SH3RF3: variants seen among roughly 807,000 people sequenced by gnomAD.
SH3RF3 encodes SH3 domain containing ring finger 3, also known as E3 ubiquitin-protein ligase SH3RF3.
SH3RF3 carries 29 observed loss-of-function variants against 66.3 expected under a neutral mutation model. That is an observed-to-expected ratio of 0.44 (90% confidence interval 0.33 to 0.60). The LOEUF is 0.60. Ranked by LOEUF, SH3RF3 falls within the 20% of genes least tolerant of loss-of-function variation. The probability of loss-of-function intolerance (pLI) is 0.04; values close to 1 mark genes in which losing one functional copy is unlikely to be tolerated. For synonymous variants in SH3RF3, 583 were observed against 532.0 expected, an observed-to-expected ratio of 1.10 and a Z score of -1.32; for missense variants, 1,194 against 1,190.9, an observed-to-expected ratio of 1.00 and a Z score of -0.04.
intron 1 of SH3RF3, among the ~76,000 whole-genome samples, chr2:109,223,755 C>T (rs1370729022): frequency 1.3e-5 from 2 of 152,172 alleles, no homozygotes; most frequent in East Asian, 3.9e-4. Context: ...TGGAGGACAG[C>T]CTCTGAGCCA....
At chr2:109,217,387 C>G (rs984093391) in intron 1 of SH3RF3, among the ~76,000 whole-genome samples, 1 of 152,218 alleles carries the variant, frequency 6.6e-6, no homozygotes, top group African/African-American at 2.4e-5. Flanking sequence ...GTCAAATTCC[C>G]ATCTGAACAT....
intron 3 of SH3RF3, among the ~76,000 whole-genome samples, chr2:109,378,741 C>T (rs972366797): frequency 2.0e-5 from 3 of 152,196 alleles, no homozygotes; most frequent in Non-Finnish European, 2.9e-5. Context: ...ACCTTCTCTA[C>T]TCCATGCCCC....
At chr2:109,317,838 G>A (rs538853278) in intron 1 of SH3RF3, among the ~76,000 whole-genome samples, 2 of 152,186 alleles carry the variant, frequency 1.3e-5, no homozygotes, top group African/African-American at 4.8e-5. Flanking sequence ...ATCCGTCTTG[G>A]GTCAGGTTTC....
chr2:109,351,678 G>C (rs1482015895), intron 2 of SH3RF3, among the ~76,000 whole-genome samples: 1 of 152,220 alleles, frequency 6.6e-6, no homozygotes, highest in Admixed American at 6.5e-5. Flanking sequence ...AGTGCCCGCT[G>C]ATCATGGAAT....
At chr2:109,267,019 AC>A (rs1680512479) in intron 1 of SH3RF3, among the ~76,000 whole-genome samples, 1 of 152,094 alleles carries the variant, frequency 6.6e-6, no homozygotes, top group African/African-American at 2.4e-5. Flanking sequence ...AAACAATAAT[AC>A]CTGCAGACAG....
At chr2:109,433,229 G>A (rs1044035197) in intron 6 of SH3RF3, among the ~76,000 whole-genome samples, 2 of 152,228 alleles carry the variant, frequency 1.3e-5, no homozygotes, top group South Asian at 2.1e-4. Flanking sequence ...ATATATAGAC[G>A]TGTGATATGT....
At chr2:109,198,693 C>G (rs1468384706) in intron 1 of SH3RF3, among the ~76,000 whole-genome samples, 1 of 152,146 alleles carries the variant, frequency 6.6e-6, no homozygotes, top group Non-Finnish European at 1.5e-5. Flanking sequence ...TTTCGTGTCT[C>G]TTAAAAGGGG....
intron 1 of SH3RF3, among the ~76,000 whole-genome samples, chr2:109,181,522 G>A (rs1678073409): frequency 6.6e-6 from 1 of 152,088 alleles, no homozygotes; most frequent in South Asian, 2.1e-4. Context: ...CAGCAGAAAA[G>A]TACCCAAAAG....
chr2:109,433,331 T>TC (rs1351279918), intron 6 of SH3RF3, among the ~76,000 whole-genome samples: 1 of 152,278 alleles, frequency 6.6e-6, no homozygotes, highest in Non-Finnish European at 1.5e-5. Context: ...TATATTTTTT[T>TC]CTTTGTGTTG....
chr2:109,455,368 A>G (rs1353445757), intron 8 of SH3RF3, among the ~76,000 whole-genome samples: 1 of 152,250 alleles, frequency 6.6e-6, no homozygotes, highest in Non-Finnish European at 1.5e-5. Context: ...GATGACCGAC[A>G]TAATCAAGAC....
intron 8 of SH3RF3, among the ~76,000 whole-genome samples, chr2:109,469,344 C>T (rs1050839414): frequency 1.3e-5 from 2 of 152,244 alleles, no homozygotes; most frequent in African/African-American, 4.8e-5. Flanking sequence ...GGCTGGGCCC[C>T]TGTGGCCCTT....
At chr2:109,130,894 C>G (rs937463419) in intron 1 of SH3RF3, among the ~76,000 whole-genome samples, 2 of 152,132 alleles carry the variant, frequency 1.3e-5, no homozygotes, top group African/African-American at 4.8e-5. Context: ...TTATTACACA[C>G]CCTTGCCACC....
At chr2:109,200,997 G>T (rs1205614717) in intron 1 of SH3RF3, among the ~76,000 whole-genome samples, 2 of 152,116 alleles carry the variant, frequency 1.3e-5, no homozygotes, top group Admixed American at 1.3e-4. Flanking sequence ...GGACAAAGGG[G>T]CAGCAGCAGC....
At chr2:109,265,989 C>T (rs917289199) in intron 1 of SH3RF3, among the ~76,000 whole-genome samples, 1 of 151,954 alleles carries the variant, frequency 6.6e-6, no homozygotes, top group Non-Finnish European at 1.5e-5. Context: ...TGCTTATGTG[C>T]GCATGTGTGT....
intron 1 of SH3RF3, among the ~76,000 whole-genome samples, chr2:109,275,585 C>G (rs944146252): frequency 6.6e-6 from 1 of 152,126 alleles, no homozygotes; most frequent in Admixed American, 6.5e-5. Context: ...AAGAGTGCCC[C>G]GCACCCGCCG....
chr2:109,390,671 G>A (rs534141540), intron 3 of SH3RF3, among the ~76,000 whole-genome samples: 1 of 152,304 alleles, frequency 6.6e-6, no homozygotes, highest in South Asian at 2.1e-4. Flanking sequence ...TTCTGCTGGC[G>A]AGACCCATGG....
At chr2:109,382,809 C>T (rs910490290) in intron 3 of SH3RF3, among the ~76,000 whole-genome samples, 1 of 152,234 alleles carries the variant, frequency 6.6e-6, no homozygotes, top group Non-Finnish European at 1.5e-5. Context: ...CCCCAATGTT[C>T]TCTGCTTTCA....
At chr2:109,170,049 A>G (rs560470805) in intron 1 of SH3RF3, among the ~76,000 whole-genome samples, 2 of 152,306 alleles carry the variant, frequency 1.3e-5, no homozygotes, top group Admixed American at 6.5e-5. Context: ...TATAGTTTTG[A>G]TAATCATGGC....
intron 8 of SH3RF3, among the ~76,000 whole-genome samples, chr2:109,489,710 A>G (rs963044747): frequency 7.5e-6 from 1 of 132,670 alleles, no homozygotes; most frequent in African/African-American, 2.9e-5. Context: ...AAGAGAAAGG[A>G]AAACAAGTGT....
Sources: allele counts gnomAD v4.1 joint callset (sites outside exome capture counted in the v4.1 genomes callset), GRCh38; gene constraint gnomAD v4.1.1; transcripts MANE v1.5; gene names NCBI Gene and HGNC (gene_info 2026-07-23, HGNC 2026-07-21).